DUSP10: variants seen among roughly 807,000 people sequenced by gnomAD.
DUSP10 encodes dual specificity protein phosphatase 10.
In DUSP10, 14 loss-of-function variants were observed where a neutral mutation model predicts 30.8. The observed-to-expected ratio is 0.46, with a 90% CI of 0.30 to 0.71. The LOEUF (loss-of-function observed/expected upper bound fraction) is 0.71. Ranked by LOEUF, DUSP10 falls within the 30% of genes least tolerant of loss-of-function variation. The pLI, the probability that DUSP10 is intolerant of heterozygous loss-of-function variation, is 0.08. For missense variants in DUSP10, 550 were observed against 619.4 expected (o/e 0.89, Z 1.19); for synonymous variants, 254 against 250.4 (o/e 1.01, Z -0.14).
rs186699200 is a variant in DUSP10, at chr1:221,723,755, G to T, written c.811+15179C>A. 7.9e-5 allele frequency among the ~76,000 whole-genome samples: 12 copies of T among 152,332 alleles called. No homozygotes were observed. The East Asian group carries it at 1.5e-3, about 20-fold the overall frequency. ...TATGGAGCTTCTAGGCCCTCTCCTT[G>T]TGCAATCAGGACACATTGCCCTGCT... is the stretch of plus-strand genomic sequence containing the variant. On this transcript the variant is annotated intron_variant, in intron 2 of 3. Coordinates refer to ENST00000366899, the MANE Select transcript of DUSP10 (RefSeq NM_007207.6).
At chr1:221,737,119 C>T (rs1246291922) in intron 2 of DUSP10, 4 of 985,356 alleles carry the variant, frequency 4.1e-6, no homozygotes, top group Non-Finnish European at 4.8e-6. Context: ...CCCCTATCCA[C>T]AACTCCACCC....
chr1:221,721,004 G>C (rs1661265838), intron 2 of DUSP10, among the ~76,000 whole-genome samples: 1 of 152,148 alleles, frequency 6.6e-6, no homozygotes, highest in Non-Finnish European at 1.5e-5. Flanking sequence ...TGGTGCACTA[G>C]GGCCAGACTG....
In DUSP10 at chr1:221,738,789, A is replaced by T. The variant is rs567894131; in HGVS notation, c.811+145T>A. On this transcript the variant is annotated intron_variant, in intron 2 of 3. Coordinates refer to ENST00000366899, the MANE Select transcript of DUSP10 (RefSeq NM_007207.6). ...GGGTTTTTCTTACTAAACCAAAACA[A>T]TAAAGAGCATAGAAGGGAAGAGAAG... 1.1e-5 allele frequency: 12 copies of T among 1,108,996 alleles called. No homozygotes were observed. In the African/African-American group the frequency reaches 1.6e-4, roughly 15 times the overall value. 68.7% of individuals were successfully genotyped at this position (1,108,996 alleles called of 1,614,324 possible).
chr1:221,722,442 A>G (rs892783793), intron 2 of DUSP10, among the ~76,000 whole-genome samples: 1 of 152,214 alleles, frequency 6.6e-6, no homozygotes. Context: ...ATCTGGTGTG[A>G]ACTGTCCCTA....
intron 2 of DUSP10, among the ~76,000 whole-genome samples, chr1:221,717,585 A>G (rs114531657): frequency 0.015 from 2,238 of 152,184 alleles, 65 homozygotes; most frequent in African/African-American, 0.052. Context: ...CTGTGGACTG[A>G]TTGTATCTCT....
At chr1:221,737,571 G>T in intron 2 of DUSP10, 1 of 576,060 alleles carries the variant, frequency 1.7e-6, no homozygotes, top group Non-Finnish European at 2.2e-6. Flanking sequence ...GAAGCTTCTG[G>T]AACTCTCTAC....
At chr1:221,707,140 G>T (rs1014883136) in intron 2 of DUSP10, among the ~76,000 whole-genome samples, 1 of 152,118 alleles carries the variant, frequency 6.6e-6, no homozygotes, top group Non-Finnish European at 1.5e-5. Context: ...AAATGAATAC[G>T]TGTAAAATAC....
At chr1:221,730,488 T>C (rs1661556346) in intron 2 of DUSP10, among the ~76,000 whole-genome samples, 1 of 152,170 alleles carries the variant, frequency 6.6e-6, no homozygotes, top group Admixed American at 6.5e-5. Flanking sequence ...CAGGAAGAGT[T>C]GCGCTTTGTT....
chr1:221,720,046 C>G (rs1395870486), intron 2 of DUSP10, among the ~76,000 whole-genome samples: 2 of 152,140 alleles, frequency 1.3e-5, no homozygotes, highest in African/African-American at 2.4e-5. Flanking sequence ...ATTTGCTGTT[C>G]CCTCTTCCGC....
intron 2 of DUSP10, among the ~76,000 whole-genome samples, chr1:221,728,216 T>G (rs1319709019): frequency 6.6e-6 from 1 of 152,176 alleles, no homozygotes; most frequent in South Asian, 2.1e-4. Flanking sequence ...TAACCTATGG[T>G]TCTTTGTAAA....
chr1:221,703,219 G>GTGTATA (rs879355849), intron 3 of DUSP10, among the ~76,000 whole-genome samples: 3 of 149,344 alleles, frequency 2.0e-5, no homozygotes, highest in African/African-American at 7.4e-5. Context: ...GTGTGTGTGT[G>GTGTATA]TATATATATA....
At chr1:221,709,824 G>C (rs568692051) in intron 2 of DUSP10, among the ~76,000 whole-genome samples, 2 of 152,074 alleles carry the variant, frequency 1.3e-5, no homozygotes, top group African/African-American at 4.8e-5. Flanking sequence ...ACTTTCCTCC[G>C]ACCCTACCCC....
At chr1:221,718,967 G>A (rs896396914) in intron 2 of DUSP10, among the ~76,000 whole-genome samples, 20 of 152,202 alleles carry the variant, frequency 1.3e-4, no homozygotes, top group African/African-American at 4.1e-4. Flanking sequence ...AAAGCAGTAA[G>A]CAAGACAAAG....
intron 2 of DUSP10, among the ~76,000 whole-genome samples, chr1:221,719,756 T>C (rs995679750): frequency 2.0e-5 from 3 of 152,196 alleles, no homozygotes; most frequent in Non-Finnish European, 2.9e-5. Context: ...ACAAAAGCCC[T>C]GACAGCAAGG....
At chr1:221,717,040 C>T (rs1661126008) in intron 2 of DUSP10, among the ~76,000 whole-genome samples, 2 of 152,176 alleles carry the variant, frequency 1.3e-5, no homozygotes, top group South Asian at 4.1e-4. Context: ...CAACCATAAA[C>T]ACAGATTCCA....
intron 2 of DUSP10, among the ~76,000 whole-genome samples, chr1:221,732,011 CAGA>C (rs1389819098): frequency 3.3e-5 from 5 of 152,158 alleles, no homozygotes; most frequent in Non-Finnish European, 7.4e-5. Flanking sequence ...GATTGTGTGG[CAGA>C]AGAAGATGAA....
chr1:221,705,964 G>C, intron 3 of DUSP10, 131 bp downstream of exon 3: 7 of 1,259,220 alleles, frequency 5.6e-6, no homozygotes, highest in Non-Finnish European at 7.7e-6. Context: ...GTTTCAGGTG[G>C]CAGAGCCCTC....
intron 2 of DUSP10, among the ~76,000 whole-genome samples, chr1:221,714,189 T>C (rs1164138191): frequency 6.6e-6 from 1 of 152,214 alleles, no homozygotes; most frequent in Non-Finnish European, 1.5e-5. Context: ...GAAATAGACA[T>C]TGCTTGAGTT....
chr1:221,725,125 A>G (rs754017755), intron 2 of DUSP10, among the ~76,000 whole-genome samples: 6 of 152,154 alleles, frequency 3.9e-5, no homozygotes, highest in Non-Finnish European at 7.3e-5. Flanking sequence ...GTGCCCTCTC[A>G]GGCTACTTCC....
Sources: gnomAD v4.1 joint callset for allele counts (sites outside exome capture counted in the v4.1 genomes callset) on GRCh38, gnomAD v4.1.1 for gene constraint, MANE v1.5 for transcripts, NCBI Gene and HGNC (gene_info 2026-07-23, HGNC 2026-07-21) for gene names.